C8orf34: variants seen among roughly 807,000 people sequenced by gnomAD.
C8orf34 encodes the protein uncharacterized protein C8orf34.
C8orf34 carries 65 observed loss-of-function variants against 68.3 expected under a neutral mutation model. The ratio of observed to expected loss-of-function variants is 0.95; its 90% CI spans 0.78 to 1.17. The LOEUF is 1.17. Among genes scored for constraint, C8orf34 ranks in the 50% most tolerant of loss-of-function variants. C8orf34 has a pLI of 0.00. For synonymous variants in C8orf34, 244 were observed against 241.2 expected (o/e 1.01, Z -0.11); for missense variants, 664 against 655.4 (o/e 1.01, Z -0.14).
intron 7 of C8orf34, among the ~76,000 whole-genome samples, chr8:68,571,867 A>G (rs1816768328): frequency 6.6e-6 from 1 of 152,104 alleles, no homozygotes; most frequent in Non-Finnish European, 1.5e-5. Context: ...ACGTAAAATA[A>G]TATATATAGT....
intron 5 of C8orf34, among the ~76,000 whole-genome samples, chr8:68,497,931 C>T (rs565811619): frequency 3.9e-5 from 6 of 152,216 alleles, no homozygotes; most frequent in African/African-American, 9.6e-5. Flanking sequence ...CGGGTTCAAG[C>T]GATTTTCCTG....
Position 68,531,683 on chromosome 8 carries a change from G to A in C8orf34, c.939-1300G>A, listed in dbSNP as rs79088412. ...AGTTGCCCTTTCTAATTAACAAGTC[G>A]TGTCACTTCTGCTTGGACAAGATGG... On this transcript the variant is annotated intron_variant, in intron 6 of 13. Transcript: ENST00000518698. Among the ~76,000 whole-genome samples the A allele has an allele frequency of 2.5e-3, 374 of 151,996 alleles. 2 individuals carry two copies. The highest frequency in any genetic ancestry group is 8.7e-3 in the African/African-American group (359 of 41,448).
At chr8:68,652,849 T>C (rs1819403014) in intron 8 of C8orf34, among the ~76,000 whole-genome samples, 1 of 152,182 alleles carries the variant, frequency 6.6e-6, no homozygotes, top group Non-Finnish European at 1.5e-5. Flanking sequence ...TAAAATCTGC[T>C]TATTAGGGTG....
intron 6 of C8orf34, among the ~76,000 whole-genome samples, chr8:68,526,289 C>A (rs1252931632): frequency 1.3e-5 from 2 of 151,994 alleles, no homozygotes; most frequent in African/African-American, 4.8e-5. Flanking sequence ...GCCAAAAGAG[C>A]ATGCATTTAA....
At chr8:68,651,670 T>TG (rs1272849645) in intron 8 of C8orf34, among the ~76,000 whole-genome samples, 2 of 152,168 alleles carry the variant, frequency 1.3e-5, no homozygotes, top group African/African-American at 2.4e-5. Context: ...AAATACCACA[T>TG]GTTCTTGCTT....
intron 5 of C8orf34, among the ~76,000 whole-genome samples, chr8:68,498,958 T>C (rs1813648994): frequency 6.6e-6 from 1 of 152,130 alleles, no homozygotes; most frequent in Non-Finnish European, 1.5e-5. Flanking sequence ...AGGGGGTACA[T>C]GTGCAGGTTT....
intron 3 of C8orf34, chr8:68,447,243 G>A (rs1309710024): frequency 1.3e-5 from 2 of 152,044 alleles, no homozygotes; most frequent in Non-Finnish European, 2.9e-5. Context: ...CTTACCATGA[G>A]GACAGCACCA....
intron 1 of C8orf34, among the ~76,000 whole-genome samples, chr8:68,371,356 A>G (rs553257136): frequency 6.6e-6 from 1 of 152,300 alleles, no homozygotes; most frequent in African/African-American, 2.4e-5. Flanking sequence ...GTTTTGGCAA[A>G]TTATAGAATT....
intron 12 of C8orf34, among the ~76,000 whole-genome samples, chr8:68,814,514 A>G (rs1300683178): frequency 6.6e-6 from 1 of 152,196 alleles, no homozygotes; most frequent in African/African-American, 2.4e-5. Context: ...TCTACCTTCC[A>G]TATACAACCT....
intron 10 of C8orf34, among the ~76,000 whole-genome samples, chr8:68,730,042 A>G (rs1021321359): frequency 6.6e-6 from 1 of 152,208 alleles, no homozygotes; most frequent in African/African-American, 2.4e-5. Flanking sequence ...ATTAATGAAC[A>G]ACTTGCAATT....
At chr8:68,419,146 C>G (rs1398681717) in intron 1 of C8orf34, among the ~76,000 whole-genome samples, 1 of 152,110 alleles carries the variant, frequency 6.6e-6, no homozygotes, top group Admixed American at 6.6e-5. Context: ...AAAAAAACAA[C>G]CCCATCAAGA....
chr8:68,534,728 T>G (rs1254506121), intron 7 of C8orf34: 1 of 985,378 alleles, frequency 1.0e-6, no homozygotes, highest in Non-Finnish European at 1.2e-6. Flanking sequence ...TCCTCTGCTT[T>G]GGACAGTAAC....
intron 12 of C8orf34, among the ~76,000 whole-genome samples, chr8:68,806,395 T>C (rs1824485889): frequency 6.6e-6 from 1 of 152,174 alleles, no homozygotes; most frequent in South Asian, 2.1e-4. Flanking sequence ...CAATTTCTCC[T>C]TTTAAAGGAT....
intron 11 of C8orf34, among the ~76,000 whole-genome samples, chr8:68,776,751 C>T (rs1467117151): frequency 6.6e-6 from 1 of 152,112 alleles, no homozygotes; most frequent in African/African-American, 2.4e-5. Context: ...ATGAGAATAA[C>T]ATGGTTTACA....
chr8:68,628,127 T>G (rs1818590438), intron 7 of C8orf34, among the ~76,000 whole-genome samples: 1 of 152,168 alleles, frequency 6.6e-6, no homozygotes, highest in African/African-American at 2.4e-5. Context: ...ACGCAGCACT[T>G]AAATTCCACC....
intron 9 of C8orf34, among the ~76,000 whole-genome samples, chr8:68,718,223 G>A (rs1563628095): frequency 6.6e-6 from 1 of 151,914 alleles, no homozygotes; most frequent in Non-Finnish European, 1.5e-5. Flanking sequence ...GTTTTCTTAT[G>A]TTACCCATCG....
intron 8 of C8orf34, among the ~76,000 whole-genome samples, chr8:68,664,017 G>A (rs1331272470): frequency 1.3e-5 from 2 of 152,212 alleles, no homozygotes; most frequent in Non-Finnish European, 2.9e-5. Flanking sequence ...GGAAAAAGGA[G>A]TGGGGTTGAA....
At chr8:68,373,654 A>G (rs1326899995) in intron 1 of C8orf34, among the ~76,000 whole-genome samples, 1 of 152,150 alleles carries the variant, frequency 6.6e-6, no homozygotes, top group African/African-American at 2.4e-5. Context: ...TTATTTCTTT[A>G]AGTTACTATA....
intron 7 of C8orf34, among the ~76,000 whole-genome samples, chr8:68,595,625 T>C (rs1297397637): frequency 6.6e-6 from 1 of 152,136 alleles, no homozygotes. Flanking sequence ...TGAGGACTTG[T>C]ATGTTTAAGG....
Sources: gnomAD v4.1 joint callset for allele counts (sites outside exome capture counted in the v4.1 genomes callset) on GRCh38, gnomAD v4.1.1 for gene constraint, MANE v1.5 for transcripts, NCBI Gene and HGNC (gene_info 2026-07-23, HGNC 2026-07-21) for gene names.